Variants in TRPV3 observed in about 807,000 individuals in gnomAD.
TRPV3 encodes VRL-3.
A neutral mutation model predicts 87.1 loss-of-function variants in TRPV3; 88 were observed. The ratio of observed to expected loss-of-function variants is 1.01; its 90% CI spans 0.85 to 1.21. The LOEUF is 1.21. TRPV3 is among the 50% of genes most tolerant of loss of function. The probability of loss-of-function intolerance (pLI) is 0.00; values close to 1 mark genes in which losing one functional copy is unlikely to be tolerated. For missense variants in TRPV3, 1,054 were observed against 1,030.1 expected (o/e 1.02, Z -0.32); for synonymous variants, 438 against 423.3 (o/e 1.03, Z -0.43).
chr17:3,521,190 C>T, intron 13 of TRPV3, 151 bp from the exon 14 acceptor site: 2 of 471,646 alleles, frequency 4.2e-6, no homozygotes, highest in Middle Eastern at 3.9e-4. Flanking sequence ...CCTCCTGATG[C>T]TCCAAGGCTC....
chr17:3,531,842 C>T (rs1186702647), intron 8 of TRPV3, among the ~76,000 whole-genome samples: 7 of 152,334 alleles, frequency 4.6e-5, no homozygotes, highest in African/African-American at 1.4e-4. Context: ...TTGTGGGTCC[C>T]AGCCCTGACC....
chr17:3,514,529 A>G, intron 17 of TRPV3, 64 bp downstream of exon 17: 1 of 1,222,864 alleles, frequency 8.2e-7, no homozygotes, highest in Non-Finnish European at 1.2e-6. Flanking sequence ...CTTAGACTTG[A>G]TCTGCCCAAG....
In TRPV3 at chr17:3,527,986, C is replaced by T; in HGVS notation, c.1503+39G>A. 2.0e-6 allele frequency: 3 copies of T among 1,538,442 alleles called. No homozygotes were observed. In the South Asian group the frequency reaches 3.3e-5, roughly 17 times the overall value. On this transcript the variant is annotated intron_variant, in intron 11 of 17. Transcript: ENST00000576742. ...GGGATGGAGGCTGTCACCTGCCTGC[C>T]TCGCGGGGCGGTCTGGAAGGGCCGG...
At chr17:3,522,560 C>T (rs150155392) in intron 13 of TRPV3, among the ~76,000 whole-genome samples, 6 of 151,412 alleles carry the variant, frequency 4.0e-5, no homozygotes, top group Non-Finnish European at 8.8e-5. Flanking sequence ...GATTCCCCCC[C>T]CCACCCCCCA....
intron 11 of TRPV3, among the ~76,000 whole-genome samples, chr17:3,527,509 G>A (rs766149739): frequency 2.0e-5 from 3 of 152,156 alleles, no homozygotes; most frequent in Admixed American, 6.5e-5. Flanking sequence ...GGGCAAACTC[G>A]TCCCAACCCT....
intron 8 of TRPV3, among the ~76,000 whole-genome samples, chr17:3,531,056 C>CAA (rs148968873): frequency 6.9e-5 from 10 of 145,226 alleles, no homozygotes; most frequent in South Asian, 2.2e-4. Context: ...ACTCTAGTCT[C>CAA]AAAAAAAACA....
At chr17:3,525,266 C>T (rs776414919) in intron 12 of TRPV3, among the ~76,000 whole-genome samples, 11 of 152,278 alleles carry the variant, frequency 7.2e-5, no homozygotes, top group South Asian at 2.1e-4. Flanking sequence ...GTGATCCACC[C>T]ACCTCGGCCT....
chr17:3,513,267 C>G lies in TRPV3; in HGVS notation c.*650G>C, dbSNP rs1333605976. 6.6e-6 allele frequency: 1 copy of G among 152,618 alleles called. No homozygotes were observed. Among genetic ancestry groups the G allele is most frequent in the East Asian group, 1.9e-4 (1 of 5,200 alleles). 9.5% of individuals were successfully genotyped at this position (152,618 alleles called of 1,614,324 possible). ...TTAAAACCCTGTGTTAATTCTGCTA[C>G]TAAAAACATCTCTCAGCTTGAGACA... On this transcript the variant is annotated 3_prime_UTR_variant, in exon 18 of 18. Transcript: ENST00000576742.
chr17:3,544,409 C>T (rs2074502562), intron 4 of TRPV3, among the ~76,000 whole-genome samples, 170 bp downstream of exon 4: 1 of 152,222 alleles, frequency 6.6e-6, no homozygotes, highest in Non-Finnish European at 1.5e-5. Flanking sequence ...GAATTCAATA[C>T]TCCACTCCTT....
intron 2 of TRPV3, among the ~76,000 whole-genome samples, chr17:3,550,056 T>TGATG (rs369513708): frequency 0.026 from 3,875 of 150,654 alleles, 158 homozygotes; most frequent in African/African-American, 0.084. Context: ...GGTGAATAAA[T>TGATG]GATGGATGGA....
At position 3,532,766 on chromosome 17, in the gene TRPV3, C is replaced by A. The variant is rs151284467; in HGVS notation, c.956G>T (p.Arg319Leu). Reference protein sequence around the residue: ...DFKTQNDFVKRMYDMILLRSG... With the variant: ...DFKTQNDFVKLMYDMILLRSG... ...CCGCAGTAGGATCATGTCGTACATG[C>A]GCTTCACAAAGTCATTCTGCGTCTT... Residue 319 changes from arginine (R) to leucine (L), a missense_variant, in exon 8 of 18, where the codon CGC becomes CTC. By Grantham distance (102) the Arg-to-Leu change is moderately radical. Coordinates refer to ENST00000576742, the MANE Select transcript of TRPV3 (RefSeq NM_145068.4). 380 of 1,614,150 alleles carry A rather than the reference C, an allele frequency of 2.4e-4. No homozygotes were observed. Among genetic ancestry groups the A allele is most frequent in the Non-Finnish European group, 2.9e-4 (347 of 1,180,054 alleles).
intron 9 of TRPV3, 145 bp from the exon 10 acceptor site, chr17:3,529,140 G>A: frequency 2.0e-6 from 2 of 997,702 alleles, no homozygotes; most frequent in East Asian, 2.4e-5. Context: ...GAAATGCTGG[G>A]AGGGTGATTT....
Position 3,518,674 on chromosome 17 carries a change from T to C in TRPV3, c.1987A>G (p.Ile663Val). ...TTGAGGAGGAGAACAAAGGTGAGGA[T>C]GACATAGGTGATGAGCAGGAACAGA... ...LFLFLLITYVILTFVLLLNML... is the reference protein window; with the variant it reads ...LFLFLLITYVVLTFVLLLNML... Residue 663 changes from isoleucine (I) to valine (V), a missense_variant, in exon 15 of 18, where the codon ATC becomes GTC. By Grantham distance (29) the Ile-to-Val change is conservative (BLOSUM62 3). Coordinates refer to ENST00000576742, the MANE Select transcript of TRPV3 (RefSeq NM_145068.4). The surrounding 1 kb of genome is among the most constrained non-coding windows in gnomAD (Gnocchi z 4.3). The C allele has an allele frequency of 6.2e-7, 1 of 1,607,152 alleles. No homozygotes were observed. Among genetic ancestry groups the C allele is most frequent in the South Asian group, 1.1e-5 (1 of 89,494 alleles).
At chr17:3,540,702 AAGG>A (rs2074450570) in intron 6 of TRPV3, among the ~76,000 whole-genome samples, 1 of 152,218 alleles carries the variant, frequency 6.6e-6, no homozygotes, top group Non-Finnish European at 1.5e-5. Context: ...GACAAGAAGA[AAGG>A]AGGATACAAA....
At chr17:3,551,338 T>A (rs1423369111) in intron 2 of TRPV3, among the ~76,000 whole-genome samples, 1 of 152,230 alleles carries the variant, frequency 6.6e-6, no homozygotes, top group East Asian at 1.9e-4. Flanking sequence ...TACTGGTCAC[T>A]GCACACACTA....
intron 14 of TRPV3, among the ~76,000 whole-genome samples, chr17:3,519,850 C>CTGGATGGA (rs61346728): frequency 0.15 from 16,293 of 107,462 alleles, 1,421 homozygotes; most frequent in East Asian, 0.42. Flanking sequence ...GGATGGATGA[C>CTGGATGGA]TGGATGGATG....
Position 3,530,251 on chromosome 17 carries a change from G to A in TRPV3, c.1066-48C>T, listed in dbSNP as rs2150790006. 3.2e-6 allele frequency: 5 copies of A among 1,567,622 alleles called. 1 individual carries two copies. In the Admixed American group the frequency reaches 8.8e-5, roughly 27 times the overall value. ...CATCAGCTGCAGAACAGGGGCTTAA[G>A]GCCAACAGGGCTGGACCAGCCAGAG... On this transcript the variant is annotated intron_variant, in intron 8 of 17. Coordinates refer to ENST00000576742, the MANE Select transcript of TRPV3 (RefSeq NM_145068.4). The surrounding 1 kb of genome is among the most constrained non-coding windows in gnomAD (Gnocchi z 4.0).
At position 3,513,866 on chromosome 17, in the gene TRPV3, C is replaced by A; in HGVS notation, c.*51G>T. ...GCCTCTCTGCACAGAGTCGGTGACTCCGCCTGCAGCGCCAGACAGCGCACG... is the reference window on the plus strand; with the variant it reads ...GCCTCTCTGCACAGAGTCGGTGACTACGCCTGCAGCGCCAGACAGCGCACG... On this transcript the variant is annotated 3_prime_UTR_variant, in exon 18 of 18. Coordinates refer to ENST00000576742, the MANE Select transcript of TRPV3 (RefSeq NM_145068.4). 6.6e-7 allele frequency: 1 copy of A among 1,505,426 alleles called. No homozygotes were observed. The allele number at this position is 1,505,426 out of a possible 1,614,324, so 93.3% of individuals were successfully genotyped here.
In TRPV3 at chr17:3,530,287, C is replaced by G; in HGVS notation, c.1066-84G>C. On this transcript the variant is annotated intron_variant, in intron 8 of 17. Transcript: ENST00000576742. This position sits in a 1 kb window ranked among gnomAD's most constrained non-coding sequence, Gnocchi z 4.0. The stretch of plus-strand genomic sequence containing the variant: ...CTGGACCAGCCAGAGGCTGGCTGGG[C>G]CCAGGGGATACACCCGCCCAGAATG... 2 of 1,421,120 alleles carry G rather than the reference C, an allele frequency of 1.4e-6. No homozygotes were observed. The highest frequency in any genetic ancestry group is 9.5e-7 in the Non-Finnish European group (1 of 1,050,402). The allele number at this position is 1,421,120 out of a possible 1,614,324, so 88.0% of individuals were successfully genotyped here. A position where few individuals can be genotyped will look rare whatever the true frequency, so the allele number is the denominator to read the frequency against.
Sources: allele counts gnomAD v4.1 joint callset (sites outside exome capture counted in the v4.1 genomes callset), GRCh38; gene constraint gnomAD v4.1.1; non-coding constraint Gnocchi (gnomAD v3.1); transcripts MANE v1.5; gene names NCBI Gene and HGNC (gene_info 2026-07-23, HGNC 2026-07-21).